Variants in SORCS2 observed in about 807,000 individuals in gnomAD.
SORCS2 encodes the protein VPS10 domain-containing receptor SorCS2.
Under a neutral mutation model 141.6 loss-of-function variants are expected in SORCS2, and 100 were observed. The observed-to-expected ratio is 0.71, with a 90% CI of 0.60 to 0.83. SORCS2 has a LOEUF of 0.83. Ranked by LOEUF, SORCS2 falls within the 40% of genes least tolerant of loss-of-function variation. The pLI, the probability that SORCS2 is intolerant of heterozygous loss-of-function variation, is 0.00. For missense variants in SORCS2, 1,646 were observed against 1,560.2 expected (o/e 1.05, Z -0.93); for synonymous variants, 789 against 676.9 (o/e 1.17, Z -2.57).
intron 13 of SORCS2, among the ~76,000 whole-genome samples, chr4:7,703,627 G>A (rs76348725): frequency 0.017 from 2,613 of 152,252 alleles, 57 homozygotes; most frequent in East Asian, 0.095. Flanking sequence ...GGGGAGCAGG[G>A]AGGGCCTTCC....
At chr4:7,347,710 C>T (rs577435088) in intron 1 of SORCS2, among the ~76,000 whole-genome samples, 46 of 152,306 alleles carry the variant, frequency 3.0e-4, no homozygotes, top group Non-Finnish European at 6.3e-4. Context: ...GATATTAAAC[C>T]ACCATGTGTT....
chr4:7,724,578 G>GACA (rs1726959947), intron 19 of SORCS2, among the ~76,000 whole-genome samples: 3 of 64,024 alleles, frequency 4.7e-5, no homozygotes, highest in Non-Finnish European at 6.3e-5. Context: ...TGGTGATGGT[G>GACA]ATGGTGGTGG....
At chr4:7,267,509 A>G (rs533621142) in intron 1 of SORCS2, among the ~76,000 whole-genome samples, 11 of 152,108 alleles carry the variant, frequency 7.2e-5, no homozygotes, top group Non-Finnish European at 1.3e-4. Context: ...CGCTGGATAC[A>G]TGGAGGAAAG....
intron 1 of SORCS2, among the ~76,000 whole-genome samples, chr4:7,377,780 A>G (rs570942737): frequency 1.5e-3 from 234 of 152,298 alleles, no homozygotes; most frequent in African/African-American, 5.4e-3. Context: ...TTTTATAACA[A>G]GTCGGGCCAG....
At chr4:7,734,666 A>G (rs1238393373) in intron 25 of SORCS2, among the ~76,000 whole-genome samples, 4 of 152,094 alleles carry the variant, frequency 2.6e-5, no homozygotes, top group Admixed American at 2.0e-4. Flanking sequence ...CACCCACCTC[A>G]CAGGGAGGAC....
At chr4:7,597,610 G>C (rs1717366249) in intron 3 of SORCS2, among the ~76,000 whole-genome samples, 2 of 150,918 alleles carry the variant, frequency 1.3e-5, no homozygotes, top group South Asian at 2.1e-4. Flanking sequence ...TTTGCAACTG[G>C]GGCAGGTGGT....
intron 3 of SORCS2, among the ~76,000 whole-genome samples, chr4:7,636,544 A>T (rs1002586178): frequency 6.6e-6 from 1 of 152,024 alleles, no homozygotes; most frequent in Non-Finnish European, 1.5e-5. Context: ...TTGCAAAGCA[A>T]AATGGCCCCG....
chr4:7,387,655 C>T (rs1723495951), intron 1 of SORCS2, among the ~76,000 whole-genome samples: 1 of 143,660 alleles, frequency 7.0e-6, no homozygotes, highest in Admixed American at 6.9e-5. Flanking sequence ...GCCCACCATA[C>T]ACATGCACAC....
chr4:7,725,270 A>T lies in SORCS2; in HGVS notation c.2728A>T (p.Ile910Phe). Residue 910 changes from isoleucine to phenylalanine, a missense_variant, in exon 20 of 27, where the codon ATC (isoleucine) becomes TTC (phenylalanine). Transcript: ENST00000507866. ...NPNLTVFYWW[I>F]GHSLQPLLSL... ...TAACCTCACCGTCTTCTACTGGTGG[A>T]TCGGCCACAGCCTGCAGGTGCGCTG... The T allele has an allele frequency of 6.2e-7, 1 of 1,613,302 alleles. No homozygotes were observed. The highest frequency in any genetic ancestry group is 8.5e-7 in the Non-Finnish European group (1 of 1,179,580).
At chr4:7,527,859 G>T (rs568313556) in intron 2 of SORCS2, among the ~76,000 whole-genome samples, 114 of 152,288 alleles carry the variant, frequency 7.5e-4, no homozygotes, top group African/African-American at 2.6e-3. Flanking sequence ...AATGTCAGCT[G>T]GTCAGTGCTG....
intron 1 of SORCS2, among the ~76,000 whole-genome samples, chr4:7,298,333 T>A (rs967088090): frequency 2.6e-5 from 4 of 151,416 alleles, no homozygotes; most frequent in Non-Finnish European, 4.4e-5. Context: ...GGAAAGGGAG[T>A]ATGGGAAGTT....
intron 2 of SORCS2, among the ~76,000 whole-genome samples, chr4:7,483,521 C>A (rs1730786280): frequency 6.6e-6 from 1 of 152,026 alleles, no homozygotes; most frequent in African/African-American, 2.4e-5. Flanking sequence ...TTTGGGACTT[C>A]CATCTCCTGA....
Position 7,452,636 on chromosome 4 carries a change from C to T in SORCS2, c.548+56281C>T, listed in dbSNP as rs535554630. 2.0e-4 allele frequency among the ~76,000 whole-genome samples: 31 copies of T among 152,352 alleles called. No individual in the cohort carries two copies. The South Asian group carries it at 5.8e-3, about 29-fold the overall frequency. ...GACCCACGAGGGCACGGGCAATGTC[C>T]GGGCCTCTCTCTAGCCACATGCCCA... On this transcript the variant is annotated intron_variant, in intron 2 of 26. Transcript: ENST00000507866.
intron 3 of SORCS2, among the ~76,000 whole-genome samples, chr4:7,582,766 G>A (rs1314184484): frequency 5.3e-5 from 8 of 152,164 alleles, no homozygotes; most frequent in Admixed American, 2.0e-4. Flanking sequence ...CAGCAAGAGC[G>A]TCTGCCCCTA....
At chr4:7,441,294 C>A (rs1365081200) in intron 2 of SORCS2, among the ~76,000 whole-genome samples, 3 of 152,146 alleles carry the variant, frequency 2.0e-5, no homozygotes, top group African/African-American at 7.2e-5. Context: ...AGGTGAGGGG[C>A]AGCCTGAGGC....
chr4:7,636,454 A>G (rs1720265500), intron 3 of SORCS2, among the ~76,000 whole-genome samples: 1 of 152,098 alleles, frequency 6.6e-6, no homozygotes, highest in Admixed American at 6.5e-5. Context: ...GGGGGTGCAC[A>G]CTCAGTCTCT....
intron 1 of SORCS2, among the ~76,000 whole-genome samples, chr4:7,240,110 C>T (rs992901993): frequency 3.3e-5 from 5 of 152,164 alleles, no homozygotes; most frequent in African/African-American, 4.8e-5. Flanking sequence ...GTCCACCTGA[C>T]GTTGTTGGGC....
intron 2 of SORCS2, among the ~76,000 whole-genome samples, chr4:7,482,782 C>T (rs1355734262): frequency 7.0e-6 from 1 of 143,572 alleles, no homozygotes; most frequent in Non-Finnish European, 1.5e-5. Flanking sequence ...CCGCTGCGGA[C>T]ACCCCTGGCT....
At chr4:7,495,428 G>A (rs2109412431) in intron 2 of SORCS2, among the ~76,000 whole-genome samples, 1 of 152,328 alleles carries the variant, frequency 6.6e-6, no homozygotes, top group African/African-American at 2.4e-5. Context: ...GTGTCCTCCG[G>A]CAGCTCTTCT....
Sources: allele counts gnomAD v4.1 joint callset (sites outside exome capture counted in the v4.1 genomes callset), GRCh38; gene constraint gnomAD v4.1.1; transcripts MANE v1.5; gene names NCBI Gene and HGNC (gene_info 2026-07-23, HGNC 2026-07-21).